ANKH: variants seen among roughly 807,000 people sequenced by gnomAD.
ANKH encodes the protein ANKH inorganic pyrophosphate transport regulator.
ANKH carries 15 observed loss-of-function variants against 49.0 expected under a neutral mutation model. The observed-to-expected ratio is 0.31, with a 90% confidence interval of 0.20 to 0.47. ANKH has a LOEUF of 0.47. Among genes scored for constraint, ANKH ranks in the 20% least tolerant of loss-of-function variants. The pLI is 1.00. For missense variants in ANKH, 429 were observed against 652.0 expected (o/e 0.66, Z 3.72); for synonymous variants, 273 against 260.0 (o/e 1.05, Z -0.48).
intron 1 of ANKH, among the ~76,000 whole-genome samples, chr5:14,781,194 G>T (rs1191982213): frequency 2.6e-5 from 4 of 152,146 alleles, no homozygotes; most frequent in Non-Finnish European, 4.4e-5. Context: ...TTTTCCCAGG[G>T]ATCTATACAG....
intron 1 of ANKH, among the ~76,000 whole-genome samples, chr5:14,841,815 A>C (rs1455690755): frequency 6.6e-6 from 1 of 152,156 alleles, no homozygotes; most frequent in Non-Finnish European, 1.5e-5. Flanking sequence ...AGTACCACAT[A>C]TGAATAAAAT....
intron 1 of ANKH, among the ~76,000 whole-genome samples, chr5:14,821,747 G>A (rs1393754279): frequency 6.6e-6 from 1 of 152,170 alleles, no homozygotes; most frequent in East Asian, 1.9e-4. Context: ...AATTTCTGCC[G>A]CATCCCATCC....
intron 3 of ANKH, among the ~76,000 whole-genome samples, chr5:14,757,434 T>C (rs1679132): frequency 0.16 from 18,216 of 116,178 alleles, 1,307 homozygotes; most frequent in African/African-American, 0.25. Flanking sequence ...ATATATATTT[T>C]TTTTTTTTTT....
intron 1 of ANKH, among the ~76,000 whole-genome samples, chr5:14,803,570 A>G (rs1025691082): frequency 2.6e-5 from 4 of 152,140 alleles, no homozygotes; most frequent in Non-Finnish European, 5.9e-5. Flanking sequence ...ATAAGCCACC[A>G]TGCCCAGCTG....
At chr5:14,863,396 A>G (rs1735557078) in intron 1 of ANKH, among the ~76,000 whole-genome samples, 1 of 152,166 alleles carries the variant, frequency 6.6e-6, no homozygotes, top group Non-Finnish European at 1.5e-5. Flanking sequence ...CACAGCCTCC[A>G]AAGATGCTAT....
At chr5:14,793,025 TATATATATAAAA>T (rs1740235455) in intron 1 of ANKH, among the ~76,000 whole-genome samples, 1 of 73,676 alleles carries the variant, frequency 1.4e-5, no homozygotes, top group Admixed American at 2.1e-4. Context: ...TATATAAATA[TATATATATAAAA>T]ATATATATAT....
At chr5:14,851,406 A>C (rs1430551098) in intron 1 of ANKH, among the ~76,000 whole-genome samples, 1 of 152,348 alleles carries the variant, frequency 6.6e-6, no homozygotes, top group East Asian at 1.9e-4. Flanking sequence ...GGTCAGTGGG[A>C]TCTCATATCC....
chr5:14,753,462 C>T (rs567196861), intron 4 of ANKH, among the ~76,000 whole-genome samples: 7 of 152,174 alleles, frequency 4.6e-5, no homozygotes, highest in Admixed American at 2.6e-4. Flanking sequence ...TACAGGAATG[C>T]GGGGGATGTA....
rs1737793568 is a variant in ANKH, at chr5:14,725,423, G to T, written c.1012-8588C>A. ...CATCCAAACAACGCCAGCTGAACTG[G>T]ACATCATACCTGGTGACCAAGTTGA... is the stretch of plus-strand genomic sequence containing the variant. On this transcript the variant is annotated intron_variant, in intron 8 of 11. Coordinates refer to ENST00000284268, the MANE Select transcript of ANKH (RefSeq NM_054027.6). The surrounding 1 kb of genome is among the most constrained non-coding windows in gnomAD (Gnocchi z 4.0). 6.6e-6 allele frequency among the ~76,000 whole-genome samples: 1 copy of T among 152,246 alleles called. No homozygotes were observed. The highest frequency in any genetic ancestry group is 2.4e-5 in the African/African-American group (1 of 41,472).
intron 1 of ANKH, among the ~76,000 whole-genome samples, chr5:14,832,998 T>G (rs975511770): frequency 3.3e-5 from 5 of 152,216 alleles, no homozygotes; most frequent in African/African-American, 9.6e-5. Context: ...GTGCTGAATG[T>G]TTTCAATTTC....
At chr5:14,804,341 A>C (rs1740643893) in intron 1 of ANKH, among the ~76,000 whole-genome samples, 2 of 152,196 alleles carry the variant, frequency 1.3e-5, no homozygotes, top group South Asian at 4.1e-4. Flanking sequence ...CAGCCCTCCC[A>C]CCACACCATA....
At chr5:14,712,295 C>A (rs890920632) in intron 11 of ANKH, among the ~76,000 whole-genome samples, 1 of 152,266 alleles carries the variant, frequency 6.6e-6, no homozygotes, top group Non-Finnish European at 1.5e-5. Flanking sequence ...CTCTCTTGAC[C>A]AACTGTTTCC....
intron 2 of ANKH, among the ~76,000 whole-genome samples, chr5:14,759,715 C>A (rs1462732181): frequency 6.7e-6 from 1 of 150,326 alleles, no homozygotes; most frequent in Non-Finnish European, 1.5e-5. Flanking sequence ...TATGATCGTG[C>A]CACTGTACGT....
In ANKH at chr5:14,712,926, A is replaced by T; in HGVS notation, c.1313T>A (p.Val438Glu). 6.2e-7 allele frequency: 1 copy of T among 1,613,642 alleles called. No individual in the cohort carries two copies. Among genetic ancestry groups the T allele is most frequent in the Non-Finnish European group, 8.5e-7 (1 of 1,179,918 alleles). ...GATGGCGACCATGGTGGATTCTCCC[A>T]CAAAGCCCGCCAGGAGGGAGCCCAC... The part of the protein sequence containing the change: ...LGVGSLLAGF[V>E]GESTMVAIAA... Residue 438 changes from valine (V) to glutamate (E), a missense_variant, in exon 11 of 12, where the codon GTG (valine) becomes GAG (glutamate). Val to Glu is a moderately radical substitution (Grantham distance 121, BLOSUM62 -2). Transcript: ENST00000284268.
chr5:14,725,576 G>A lies in ANKH; in HGVS notation c.1012-8741C>T, dbSNP rs1737798559. Among the ~76,000 whole-genome samples the A allele has an allele frequency of 1.3e-5, 2 of 152,216 alleles. No individual in the cohort carries two copies. The highest frequency in any genetic ancestry group is 2.9e-5 in the Non-Finnish European group (2 of 68,046). On this transcript the variant is annotated intron_variant, in intron 8 of 11. Transcript: ENST00000284268. This position sits in a 1 kb window ranked among gnomAD's most constrained non-coding sequence, Gnocchi z 4.0. ...CTTTTCCAGCACCGGCACACCAAAT[G>A]TGATCCACGGATGTCACCTGTGAGT...
At chr5:14,717,900 A>G (rs1022876243) in intron 8 of ANKH, among the ~76,000 whole-genome samples, 4 of 152,162 alleles carry the variant, frequency 2.6e-5, no homozygotes, top group Non-Finnish European at 5.9e-5. Context: ...CAGATTTTGG[A>G]GCATTTTGGA....
Position 14,758,605 on chromosome 5 carries a change from A to C in ANKH, c.314-7T>G, listed in dbSNP as rs1249279240. On this transcript the variant is annotated splice_polypyrimidine_tract_variant and splice_region_variant and intron_variant, in intron 2 of 11. Transcript: ENST00000284268. Reference sequence around the variant, plus strand: ...TATCCTAAATCACTATAAGCTGCAAAGTGTCGAAAGGCATATGTGGAAATA... The same window carrying C: ...TATCCTAAATCACTATAAGCTGCAACGTGTCGAAAGGCATATGTGGAAATA... 6.5e-7 allele frequency: 1 copy of C among 1,548,272 alleles called. No individual in the cohort carries two copies. Among genetic ancestry groups the C allele is most frequent in the East Asian group, 2.2e-5 (1 of 44,572 alleles).
chr5:14,811,974 G>T (rs948996951), intron 1 of ANKH, among the ~76,000 whole-genome samples: 3 of 152,224 alleles, frequency 2.0e-5, no homozygotes, highest in African/African-American at 7.2e-5. Flanking sequence ...AAGTCTGAAT[G>T]TAGAAAATAA....
At chr5:14,798,105 T>A (rs556906874) in intron 1 of ANKH, 192 of 1,562,382 alleles carry the variant, frequency 1.2e-4, no homozygotes, top group Admixed American at 3.2e-4. Context: ...TTTCTCTCTG[T>A]CGTAGTGTGA....
Sources: gnomAD v4.1 joint callset for allele counts (sites outside exome capture counted in the v4.1 genomes callset) on GRCh38, gnomAD v4.1.1 for gene constraint, Gnocchi (gnomAD v3.1) non-coding constraint, MANE v1.5 for transcripts, NCBI Gene and HGNC (gene_info 2026-07-23, HGNC 2026-07-21) for gene names.